Variants in TNFSF4 observed in about 807,000 individuals in gnomAD.
TNFSF4 encodes the protein tumor necrosis factor ligand superfamily member 4.
A neutral mutation model predicts 7.3 loss-of-function variants in TNFSF4; 4 were observed. The ratio of observed to expected loss-of-function variants is 0.55; its 90% CI spans 0.27 to 1.25. The LOEUF (loss-of-function observed/expected upper bound fraction) is 1.25, where lower values mean the gene tolerates loss of function less well. TNFSF4 is among the 50% of genes most tolerant of loss of function. TNFSF4 has a pLI of 0.12. For missense variants in TNFSF4, 181 were observed against 208.8 expected, an observed-to-expected ratio of 0.87 and a Z score of 0.82; for synonymous variants, 76 against 83.7, an observed-to-expected ratio of 0.91 and a Z score of 0.50.
At chr1:173,364,089 G>A in the TNFSF4 span, among the ~76,000 whole-genome samples, 1 of 151,900 alleles carries the variant, frequency 6.6e-6, no homozygotes, top group Non-Finnish European at 1.5e-5. Context: ...TCATAAATGT[G>A]TACAAAGATA....
the TNFSF4 span, among the ~76,000 whole-genome samples, chr1:173,428,802 C>T: frequency 6.6e-6 from 1 of 152,052 alleles, no homozygotes; most frequent in African/African-American, 2.4e-5. Flanking sequence ...GTCAGGAATT[C>T]GAGACCAGCC....
the TNFSF4 span, among the ~76,000 whole-genome samples, chr1:173,276,511 CA>C: frequency 6.6e-6 from 1 of 152,102 alleles, no homozygotes; most frequent in Non-Finnish European, 1.5e-5. Flanking sequence ...CTGACCTAAA[CA>C]GCAGCAGAGA....
chr1:173,179,612 C>G (rs762164922), downstream of TNFSF4, among the ~76,000 whole-genome samples: 2 of 152,156 alleles, frequency 1.3e-5, no homozygotes, highest in Non-Finnish European at 2.9e-5. Flanking sequence ...CATGTTAGCT[C>G]TCTCCTGCAA....
intron 1 of TNFSF4, among the ~76,000 whole-genome samples, chr1:173,197,477 C>T (rs1007817584): frequency 6.6e-6 from 1 of 152,100 alleles, no homozygotes; most frequent in Admixed American, 6.5e-5. Context: ...AAATGTGGTA[C>T]ATATACACCA....
At chr1:173,189,551 G>A (rs1194680748) in intron 1 of TNFSF4, among the ~76,000 whole-genome samples, 2 of 152,124 alleles carry the variant, frequency 1.3e-5, no homozygotes, top group Non-Finnish European at 2.9e-5. Flanking sequence ...AAACAGTGAA[G>A]ACAGGAAACC....
At chr1:173,285,456 G>A in the TNFSF4 span, among the ~76,000 whole-genome samples, 41 of 152,198 alleles carry the variant, frequency 2.7e-4, no homozygotes, top group Non-Finnish European at 4.4e-4. Context: ...CAAGGTTTGA[G>A]AGGATTGATT....
chr1:173,287,151 C>T, the TNFSF4 span, among the ~76,000 whole-genome samples: 9 of 151,982 alleles, frequency 5.9e-5, no homozygotes, highest in African/African-American at 2.2e-4. Context: ...GATCCGATGC[C>T]CCCTGATGTC....
At chr1:173,329,089 T>C in the TNFSF4 span, among the ~76,000 whole-genome samples, 1 of 152,218 alleles carries the variant, frequency 6.6e-6, no homozygotes, top group Non-Finnish European at 1.5e-5. Context: ...CTAAATAAAC[T>C]ATTATGCATC....
At chr1:173,442,176 C>T in the TNFSF4 span, 15 of 152,360 alleles carry the variant, frequency 9.8e-5, no homozygotes, top group Admixed American at 3.9e-4. Context: ...CTTACCCTGA[C>T]CGATTTCAAG....
chr1:173,238,279 A>C, the TNFSF4 span, among the ~76,000 whole-genome samples: 2 of 152,218 alleles, frequency 1.3e-5, no homozygotes, highest in Non-Finnish European at 2.9e-5. Context: ...TAAATGCAAA[A>C]CTTAAAAATT....
the TNFSF4 span, among the ~76,000 whole-genome samples, chr1:173,450,614 C>G: frequency 1.3e-5 from 2 of 151,448 alleles, no homozygotes; most frequent in East Asian, 3.9e-4. Context: ...GCAAGGCTCA[C>G]TCAACATTTG....
chr1:173,289,128 C>CAA, the TNFSF4 span, among the ~76,000 whole-genome samples: 1 of 152,096 alleles, frequency 6.6e-6, no homozygotes, highest in South Asian at 2.1e-4. Context: ...TTTTTCAAGT[C>CAA]AGTGTTGGAG....
chr1:173,416,173 A>G, the TNFSF4 span, among the ~76,000 whole-genome samples: 2 of 152,058 alleles, frequency 1.3e-5, no homozygotes, highest in African/African-American at 2.4e-5. Flanking sequence ...GTGGGTGGTG[A>G]TAGTGTAGCT....
At chr1:173,222,397 A>G in the TNFSF4 span, among the ~76,000 whole-genome samples, 11 of 152,344 alleles carry the variant, frequency 7.2e-5, no homozygotes, top group East Asian at 2.1e-3. Flanking sequence ...TTGCATCAAT[A>G]AAGAAAAATA....
the TNFSF4 span, among the ~76,000 whole-genome samples, chr1:173,387,979 T>C: frequency 6.6e-6 from 1 of 152,228 alleles, no homozygotes; most frequent in Non-Finnish European, 1.5e-5. Flanking sequence ...GAGATTCTAA[T>C]GGTTGCATGA....
chr1:173,362,999 A>T, the TNFSF4 span: 1 of 354,840 alleles, frequency 2.8e-6, no homozygotes, highest in Non-Finnish European at 5.6e-6. Context: ...GCACTGGGAA[A>T]ATGCGGACTT....
At chr1:173,261,395 T>G in the TNFSF4 span, among the ~76,000 whole-genome samples, 7 of 151,982 alleles carry the variant, frequency 4.6e-5, no homozygotes, top group Non-Finnish European at 8.8e-5. Flanking sequence ...CAGATTGACT[T>G]CCTAACATCA....
At chr1:173,290,818 C>A in the TNFSF4 span, among the ~76,000 whole-genome samples, 1,226 of 152,260 alleles carry the variant, frequency 8.1e-3, 11 homozygotes, top group Non-Finnish European at 0.014. Flanking sequence ...CGAAGACCAA[C>A]CACATGCCTG....
At chr1:173,308,509 T>TA in the TNFSF4 span, among the ~76,000 whole-genome samples, 427 of 151,916 alleles carry the variant, frequency 2.8e-3, 2 homozygotes, top group African/African-American at 7.9e-3. Flanking sequence ...CACTACTTCT[T>TA]AAAAAAAATC....
Sources: gnomAD v4.1 joint callset for allele counts (sites outside exome capture counted in the v4.1 genomes callset) on GRCh38, gnomAD v4.1.1 for gene constraint, MANE v1.5 for transcripts, NCBI Gene and HGNC (gene_info 2026-07-23, HGNC 2026-07-21) for gene names.